The following ANKK1 variants were observed in gnomAD, a reference collection of about 807,000 sequenced individuals.
ANKK1 encodes the protein ankyrin repeat and kinase domain containing 1, also known as ankyrin repeat and protein kinase domain-containing protein 1.
A neutral mutation model predicts 37.6 loss-of-function variants in ANKK1; 37 were observed. The observed-to-expected ratio is 0.98, with a 90% confidence interval of 0.76 to 1.29. The LOEUF is 1.29. Ranked by LOEUF, ANKK1 falls within the 50% of genes most tolerant of loss-of-function variation. ANKK1 has a pLI of 0.00. For missense variants in ANKK1, 1,019 were observed against 990.6 expected (o/e 1.03, Z -0.39); for synonymous variants, 415 against 418.7 (o/e 0.99, Z 0.11).
At position 113,387,957 on chromosome 11, in the gene ANKK1, T is replaced by C; in HGVS notation, c.73T>C (p.Trp25Arg). Reference sequence around the variant, plus strand: ...CACCCGCGACGACTTCGAGGGCGACTGGCGCCTAGTGGCCAGCGGCGGCTT... The same window carrying C: ...CACCCGCGACGACTTCGAGGGCGACCGGCGCCTAGTGGCCAGCGGCGGCTT... ...VFTRDDFEGD[W>R]RLVASGGFSQ... is the part of the protein sequence containing the mutation. Residue 25 changes from tryptophan to arginine, a missense_variant, in exon 1 of 8, where the codon TGG becomes CGG. Trp to Arg is a moderately radical substitution (Grantham distance 101). Transcript: ENST00000303941. 1.9e-6 allele frequency: 3 copies of C among 1,573,676 alleles called. No individual in the cohort carries two copies. Among genetic ancestry groups the C allele is most frequent in the Non-Finnish European group, 2.6e-6 (3 of 1,166,020 alleles).
chr11:113,396,029 C>A, intron 4 of ANKK1, 38 bp from the exon 5 acceptor site: 1 of 1,605,634 alleles, frequency 6.2e-7, no homozygotes, highest in South Asian at 1.1e-5. Flanking sequence ...TCCAGCCCTA[C>A]CTCTCAGCAC....
intron 1 of ANKK1, among the ~76,000 whole-genome samples, chr11:113,390,261 C>T (rs1457931046): frequency 3.3e-5 from 5 of 152,120 alleles, no homozygotes; most frequent in African/African-American, 1.2e-4. Flanking sequence ...GCAGTGTTGA[C>T]AATTAATGGA....
intron 1 of ANKK1, among the ~76,000 whole-genome samples, chr11:113,393,238 A>G (rs980922392): frequency 1.3e-5 from 2 of 152,180 alleles, no homozygotes; most frequent in Admixed American, 6.5e-5. Context: ...CCACCTTTGC[A>G]GAATGGACTG....
intron 1 of ANKK1, among the ~76,000 whole-genome samples, chr11:113,389,141 G>A (rs1222205487): frequency 6.6e-6 from 1 of 152,146 alleles, no homozygotes; most frequent in Non-Finnish European, 1.5e-5. Flanking sequence ...GAGGGTCAGA[G>A]TATGCTAGGA....
At chr11:113,396,568 G>A (rs1312652746) in intron 5 of ANKK1, among the ~76,000 whole-genome samples, 1 of 151,904 alleles carries the variant, frequency 6.6e-6, no homozygotes, top group Non-Finnish European at 1.5e-5. Flanking sequence ...TCAAACTCCT[G>A]GCCTCAAGTG....
chr11:113,399,730 G>A lies in ANKK1; in HGVS notation c.1761G>A (p.Glu587=), dbSNP rs1950681663. ...KMLLRYGASL[E]LPTHQGWTPL... ...TGCTCAGGTACGGAGCCAGCCTTGA[G>A]CTGCCCACCCACCAGGGCTGGACAC... Residue 587 remains glutamate (E), a synonymous_variant, in exon 8 of 8, where the codon GAG becomes GAA. Transcript: ENST00000303941. 6.2e-7 allele frequency: 1 copy of A among 1,600,868 alleles called. No individual in the cohort carries two copies. Among genetic ancestry groups the A allele is most frequent in the Admixed American group, 1.7e-5 (1 of 58,310 alleles).
chr11:113,391,135 G>A (rs914762989), intron 1 of ANKK1, among the ~76,000 whole-genome samples: 1 of 152,236 alleles, frequency 6.6e-6, no homozygotes, highest in African/African-American at 2.4e-5. Flanking sequence ...CTCTGTTAGG[G>A]AGGAGTGTTC....
In ANKK1 at chr11:113,399,188, C is replaced by A; in HGVS notation, c.1219C>A (p.Gln407Lys). 1 of 1,601,156 alleles carries A rather than the reference C, an allele frequency of 6.2e-7. No individual in the cohort carries two copies. Among genetic ancestry groups the A allele is most frequent in the Non-Finnish European group, 8.5e-7 (1 of 1,174,150 alleles). Reference sequence around the variant, plus strand: ...CCTCCTGATCGCCGCCCAGGACCAGCAACCCGACCTCTGTGCCCTGCTTTT... The same window carrying A: ...CCTCCTGATCGCCGCCCAGGACCAGAAACCCGACCTCTGTGCCCTGCTTTT... ...TPLLIAAQDQ[Q>K]PDLCALLLAH... The change falls in exon 8 of 8, where the codon CAA becomes AAA. Residue 407 changes from glutamine (Q) to lysine (K), a missense_variant. Transcript: ENST00000303941.
In ANKK1 at chr11:113,398,455, A is replaced by T. The variant is rs116860190; in HGVS notation, c.994+439A>T. ...CACTGGGTAGAGCAGAAGGATGTTG[A>T]TCCTTAAGACCTCAGAGGGGAGTTT... On this transcript the variant is annotated intron_variant, in intron 7 of 7. Coordinates refer to ENST00000303941, the MANE Select transcript of ANKK1 (RefSeq NM_178510.2). Among the ~76,000 whole-genome samples, 3 of 152,128 alleles carry T rather than the reference A, an allele frequency of 2.0e-5. No homozygotes were observed. In the East Asian group the frequency reaches 5.8e-4, roughly 29 times the overall value.
At chr11:113,389,228 A>G (rs1950570291) in intron 1 of ANKK1, among the ~76,000 whole-genome samples, 1 of 152,222 alleles carries the variant, frequency 6.6e-6, no homozygotes, top group African/African-American at 2.4e-5. Flanking sequence ...ACACTGTGAG[A>G]CATTGATGCT....
chr11:113,395,297 C>G (rs1950628629), intron 3 of ANKK1, 62 bp from the exon 4 acceptor site: 13 of 1,601,856 alleles, frequency 8.1e-6, no homozygotes, highest in Non-Finnish European at 8.5e-6. Flanking sequence ...CCTGCCACCC[C>G]GGGCTGGGGT....
At chr11:113,397,128 T>C (rs1950645106) in intron 5 of ANKK1, 96 bp from the exon 6 acceptor site, 1 of 1,014,636 alleles carries the variant, frequency 9.9e-7, no homozygotes, top group African/African-American at 1.6e-5. Context: ...AGGAATGGAT[T>C]TTGGGAGACA....
chr11:113,390,576 A>C (rs1950579425), intron 1 of ANKK1, among the ~76,000 whole-genome samples: 1 of 152,174 alleles, frequency 6.6e-6, no homozygotes, highest in African/African-American at 2.4e-5. Flanking sequence ...CTCTACTAAA[A>C]ATACATAAAT....
At chr11:113,393,395 G>A in intron 1 of ANKK1, 86 bp from the exon 2 acceptor site, 2 of 1,420,118 alleles carry the variant, frequency 1.4e-6, no homozygotes, top group Non-Finnish European at 1.9e-6. Context: ...CCACAGTCTG[G>A]CATCATGGCT....
intron 2 of ANKK1, 73 bp from the exon 3 acceptor site, chr11:113,394,856 G>C: frequency 3.2e-6 from 5 of 1,573,146 alleles, no homozygotes; most frequent in Non-Finnish European, 3.5e-6. Context: ...TAGCAGGAGG[G>C]GTGAGAAGCC....
chr11:113,400,089 T>A lies in ANKK1; in HGVS notation c.2120T>A (p.Ile707Asn), dbSNP rs773076411. Residue 707 changes from isoleucine (I) to asparagine (N), a missense_variant, in exon 8 of 8, where the codon ATC becomes AAC. Ile to Asn is a moderately radical substitution (Grantham distance 149). Transcript: ENST00000303941. ...HLAALKGNTA[I>N]LKVLVEAGAQ... The stretch of plus-strand genomic sequence containing the variant: ...GCCGCCCTCAAGGGCAACACAGCCA[T>A]CCTCAAAGTGCTGGTCGAGGCAGGC... 72 of 1,613,298 alleles carry A rather than the reference T, an allele frequency of 4.5e-5. 1 individual carries two copies. In the South Asian group the frequency reaches 7.8e-4, roughly 17 times the overall value.
rs763198483 is a variant in ANKK1, at chr11:113,400,040, G to A, written c.2071G>A (p.Val691Met). 5.0e-6 allele frequency: 8 copies of A among 1,613,232 alleles called. No individual in the cohort carries two copies. In the African/African-American group the frequency reaches 6.7e-5, roughly 13 times the overall value. The change falls in exon 8 of 8, where the codon GTG (valine) becomes ATG (methionine). Residue 691 changes from valine (V) to methionine (M), a missense_variant. Transcript: ENST00000303941. ...CGCAAATGTCCACGCCCGCAACAAGGTGGGCTGGACACCCGCCCACCTGGC... is the reference window on the plus strand; with the variant it reads ...CGCAAATGTCCACGCCCGCAACAAGATGGGCTGGACACCCGCCCACCTGGC... ...HHANVHARNKVGWTPAHLAAL... is the reference protein window; with the variant it reads ...HHANVHARNKMGWTPAHLAAL...
chr11:113,399,143 ACGG>A lies in ANKK1; in HGVS notation c.1176_1178del (p.Ala393del). 6.3e-7 allele frequency: 1 copy of A among 1,595,160 alleles called. No individual in the cohort carries two copies. The highest frequency in any genetic ancestry group is 8.5e-7 in the Non-Finnish European group (1 of 1,171,172). On this transcript the variant is annotated inframe_deletion, in exon 8 of 8. Coordinates refer to ENST00000303941, the MANE Select transcript of ANKK1 (RefSeq NM_178510.2). ...CCACGAGGTAGACGTGGACTGCCAG[ACGG>A]CCTCTGGATACACGCCCCTCCTGAT...
At position 113,399,853 on chromosome 11, in the gene ANKK1, TC is replaced by T; in HGVS notation, c.1888del (p.Leu630CysfsTer3). The T allele has an allele frequency of 6.2e-7, 1 of 1,611,730 alleles. No homozygotes were observed. Among genetic ancestry groups the T allele is most frequent in the Non-Finnish European group, 8.5e-7 (1 of 1,179,290 alleles). ...GTGCTCTTGGAGCTGTGAACTGGAC[TC>T]CCCTGCACCTAGCTGCACGCCACGG... The part of the protein sequence containing the change: ...MGALGAVNWT[P>X]LHLAARHGEE... On this transcript the variant is annotated frameshift_variant, in exon 8 of 8. Transcript: ENST00000303941. LOFTEE classifies it low-confidence loss of function (END_TRUNC).
Sources: gnomAD v4.1 joint callset for allele counts (sites outside exome capture counted in the v4.1 genomes callset) on GRCh38, gnomAD v4.1.1 for gene constraint, MANE v1.5 for transcripts, NCBI Gene and HGNC (gene_info 2026-07-23, HGNC 2026-07-21) for gene names.